The following GABRA3 variants were observed in gnomAD, a reference collection of about 807,000 sequenced individuals.
GABRA3 encodes gamma-aminobutyric acid receptor subunit alpha-3.
GABRA3 carries 10 observed loss-of-function variants against 30.1 expected under a neutral mutation model. That is an observed-to-expected ratio of 0.33 (90% CI 0.20 to 0.56). The LOEUF is 0.56. Among genes scored for constraint, GABRA3 ranks in the 20% least tolerant of loss-of-function variants. The probability of loss-of-function intolerance (pLI) is 0.89; values close to 1 mark genes in which losing one functional copy is unlikely to be tolerated. For missense variants in GABRA3, 233 were observed against 392.0 expected, an observed-to-expected ratio of 0.59 and a Z score of 3.42; for synonymous variants, 151 against 146.8, an observed-to-expected ratio of 1.03 and a Z score of -0.21.
intron 8 of GABRA3, among the ~76,000 whole-genome samples, chrX:152,196,912 T>C (rs1390362499): frequency 8.9e-6 from 1 of 112,686 alleles, no homozygotes; most frequent in Non-Finnish European, 1.9e-5. Context: ...CTTCAGGATA[T>C]TGGTAGAAAC....
At chrX:152,411,699 G>A (rs1231365692) in intron 1 of GABRA3, among the ~76,000 whole-genome samples, 1 of 111,113 alleles carries the variant, frequency 9.0e-6, no homozygotes, top group Admixed American at 9.6e-5. Flanking sequence ...AAAGCACAAG[G>A]AACAAAATAA....
At chrX:152,417,395 G>A (rs1286017405) in intron 1 of GABRA3, among the ~76,000 whole-genome samples, 6 of 110,181 alleles carry the variant, frequency 5.4e-5, no homozygotes, top group African/African-American at 1.7e-4. Context: ...GAGAGGATGT[G>A]GAGAAATAGG....
chrX:152,176,149 G>A (rs1937073654), intron 9 of GABRA3, among the ~76,000 whole-genome samples: 2 of 110,524 alleles, frequency 1.8e-5, no homozygotes. Flanking sequence ...AGTGAGTGGA[G>A]TGAATGAAAA....
chrX:152,193,769 C>G (rs748206169), intron 8 of GABRA3, among the ~76,000 whole-genome samples: 2 of 112,012 alleles, frequency 1.8e-5, no homozygotes, highest in Non-Finnish European at 3.8e-5. Context: ...GAGGCTGAGG[C>G]GGGTGGATCA....
chrX:152,430,412 A>C lies in GABRA3; in HGVS notation c.-27+20734T>G, dbSNP rs1306441390. 2.7e-5 allele frequency among the ~76,000 whole-genome samples: 3 copies of C among 111,556 alleles called. No individual in the cohort carries two copies. The East Asian group carries it at 8.5e-4, about 32-fold the overall frequency. The stretch of plus-strand genomic sequence containing the variant: ...CTAGATCACTGCAGGAAACCAGACG[A>C]TGAGGCAGGGAACTCCTAGGCAGAA... On this transcript the variant is annotated intron_variant, in intron 1 of 9. Coordinates refer to ENST00000370314, the MANE Select transcript of GABRA3 (RefSeq NM_000808.4).
intron 1 of GABRA3, among the ~76,000 whole-genome samples, chrX:152,443,888 G>C (rs1409349157): frequency 8.9e-6 from 1 of 111,769 alleles, no homozygotes; most frequent in East Asian, 2.8e-4. Context: ...ATTAAAAATT[G>C]TTTGAAGGCT....
chrX:152,354,874 C>A (rs1374467595), intron 2 of GABRA3, among the ~76,000 whole-genome samples: 3 of 111,489 alleles, frequency 2.7e-5, no homozygotes, highest in Non-Finnish European at 5.7e-5. Flanking sequence ...ATTTGATGGT[C>A]AAATGCTAAG....
intron 2 of GABRA3, among the ~76,000 whole-genome samples, chrX:152,352,213 C>T (rs1940488866): frequency 9.0e-6 from 1 of 111,455 alleles, no homozygotes; most frequent in Non-Finnish European, 1.9e-5. Context: ...AAAAAACATG[C>T]TATCCACAAA....
At chrX:152,292,613 C>T in intron 3 of GABRA3, among the ~76,000 whole-genome samples, 1 of 110,841 alleles carries the variant, frequency 9.0e-6, no homozygotes, top group Non-Finnish European at 1.9e-5. Context: ...CTTGTTGTTG[C>T]TTCTCTAGTT....
Position 152,362,307 on chromosome X carries a change from T to C in GABRA3, c.140+2124A>G, listed in dbSNP as rs138931317. On this transcript the variant is annotated intron_variant, in intron 2 of 9. Transcript: ENST00000370314. ...AAGGAATAAAATACCTTGGGTAATA[T>C]TGAAATATTGCAGGGCTAAGAGGTC... is the stretch of plus-strand genomic sequence containing the variant. Among the ~76,000 whole-genome samples the C allele has an allele frequency of 2.4e-4, 26 of 110,436 alleles. No homozygotes were observed. In the East Asian group the frequency reaches 7.1e-3, roughly 30 times the overall value.
intron 7 of GABRA3, 97 bp downstream of exon 7, chrX:152,207,904 T>C (rs1184667113): frequency 1.3e-6 from 1 of 781,265 alleles, no homozygotes; most frequent in African/African-American, 2.1e-5. Flanking sequence ...TGTCACAACA[T>C]TGTTTTGAAG....
rs147100996 is a variant in GABRA3, at chrX:152,197,747, G to A, written c.817C>T (p.Arg273Ter). 1 of 1,208,884 alleles carries A rather than the reference G, an allele frequency of 8.3e-7. No individual in the cohort carries two copies. The highest frequency in any genetic ancestry group is 1.1e-6 in the Non-Finnish European group (1 of 893,286). Residue 273 changes from arginine (R) to a stop codon, truncating the protein, a stop_gained, in exon 8 of 10, where the codon CGA (arginine) becomes TGA (stop). Transcript: ENST00000370314. LOFTEE classifies it high-confidence loss of function. Reference sequence around the variant, plus strand: ...TGGATCACAAAGTAGCCAATTTTTCGCTTGAGATGGAAGTGGGTTGTCATG... The same window carrying A: ...TGGATCACAAAGTAGCCAATTTTTCACTTGAGATGGAAGTGGGTTGTCATG... ...VVMTTHFHLK[R>*]KIGYFVIQTY...
chrX:152,323,745 A>T (rs1940007980), intron 3 of GABRA3, among the ~76,000 whole-genome samples: 1 of 112,167 alleles, frequency 8.9e-6, no homozygotes, highest in African/African-American at 3.2e-5. Flanking sequence ...TTCTCTAATC[A>T]TGCTTGTGTG....
At chrX:152,395,589 C>T (rs1197999754) in intron 1 of GABRA3, among the ~76,000 whole-genome samples, 1 of 111,801 alleles carries the variant, frequency 8.9e-6, no homozygotes, top group Admixed American at 9.5e-5. Context: ...ATGCCATATG[C>T]TCAGATGGCT....
chrX:152,345,471 A>G, intron 3 of GABRA3, 110 bp downstream of exon 3: 1 of 853,351 alleles, frequency 1.2e-6, no homozygotes, highest in South Asian at 2.9e-5. Flanking sequence ...TCAGCTTTAC[A>G]CTAATCTCAT....
At chrX:152,186,355 C>T (rs1263157748) in intron 9 of GABRA3, among the ~76,000 whole-genome samples, 1 of 109,621 alleles carries the variant, frequency 9.1e-6, no homozygotes, top group Non-Finnish European at 1.9e-5. Flanking sequence ...TAGCATGCTA[C>T]CGTGCCCAGC....
intron 3 of GABRA3, among the ~76,000 whole-genome samples, chrX:152,311,364 C>A (rs1331038108): frequency 8.9e-6 from 1 of 112,274 alleles, no homozygotes; most frequent in Non-Finnish European, 1.9e-5. Flanking sequence ...CCACCACAAT[C>A]AACTAGGCTT....
intron 1 of GABRA3, among the ~76,000 whole-genome samples, chrX:152,429,100 A>G (rs900613847): frequency 9.0e-6 from 1 of 111,550 alleles, no homozygotes; most frequent in South Asian, 3.8e-4. Flanking sequence ...GGTAAGAACG[A>G]TATCTGAGTC....
intron 5 of GABRA3, among the ~76,000 whole-genome samples, chrX:152,231,170 T>C (rs769622980): frequency 2.2e-3 from 240 of 107,732 alleles, no homozygotes; most frequent in African/African-American, 7.5e-3. Flanking sequence ...CATATATGTA[T>C]ATATACACAC....
Sources: gnomAD v4.1 joint callset for allele counts (sites outside exome capture counted in the v4.1 genomes callset) on GRCh38, gnomAD v4.1.1 for gene constraint, MANE v1.5 for transcripts, NCBI Gene and HGNC (gene_info 2026-07-23, HGNC 2026-07-21) for gene names.